The following DNAH17 variants were observed in gnomAD, a reference collection of about 807,000 sequenced individuals.
DNAH17 encodes the protein axonemal beta dynein heavy chain 17.
A neutral mutation model predicts 485.6 loss-of-function variants in DNAH17; 376 were observed. That is an observed-to-expected ratio of 0.77 (90% CI 0.71 to 0.84). DNAH17 has a LOEUF of 0.84. DNAH17 is among the 40% of genes least tolerant of loss of function. DNAH17 has a pLI of 0.00. For missense variants in DNAH17, 6,370 were observed against 5,839.3 expected (o/e 1.09, Z -2.96); for synonymous variants, 3,031 against 2,405.9 (o/e 1.26, Z -7.60).
chr17:78,528,073 C>G (rs1014475615), intron 22 of DNAH17, among the ~76,000 whole-genome samples: 3 of 151,966 alleles, frequency 2.0e-5, no homozygotes, highest in Admixed American at 6.6e-5. Flanking sequence ...GCCACCACAC[C>G]GGGCCATAAA....
rs541837917 is a variant in DNAH17 at position 78,458,556 on chromosome 17, A to G, written c.9977+9T>C. 2.8e-5 allele frequency: 45 copies of G among 1,609,814 alleles called. No homozygotes were observed. Among genetic ancestry groups the G allele is most frequent in the Admixed American group, 1.8e-4 (11 of 59,846 alleles). ...GAGCAGGAGGGTGGTCTCGGGGAGG[A>G]GCTGATACCTGTTCGCCAGTAAGAT... On this transcript the variant is annotated intron_variant, in intron 62 of 80. Coordinates refer to ENST00000389840, the MANE Select transcript of DNAH17 (RefSeq NM_173628.4).
intron 11 of DNAH17, among the ~76,000 whole-genome samples, chr17:78,565,490 C>T (rs1040875368): frequency 6.6e-6 from 1 of 152,204 alleles, no homozygotes; most frequent in African/African-American, 2.4e-5. Flanking sequence ...CAATCTCAGC[C>T]TTGAAATCCT....
At chr17:78,529,723 C>CCCAGCCCCCCTTAGG in intron 21 of DNAH17, 29 bp from the exon 22 acceptor site, 1 of 1,607,786 alleles carries the variant, frequency 6.2e-7, no homozygotes, top group East Asian at 2.2e-5. Context: ...ATTTGTGTGG[C>CCCAGCCCCCCTTAGG]CCCAGCCCCC....
In DNAH17 at chr17:78,575,008, G is replaced by A; in HGVS notation, c.50C>T (p.Ser17Phe). ...GTCCGGCTTGAACTTCAGGACGATGGAGGCAACTTCCTCCAGATACTCTAG... is the reference window on the plus strand; with the variant it reads ...GTCCGGCTTGAACTTCAGGACGATGAAGGCAACTTCCTCCAGATACTCTAG... ...VRLEYLEEVASIVLKFKPDKW... is the reference protein window; with the variant it reads ...VRLEYLEEVAFIVLKFKPDKW... Residue 17 changes from serine (S) to phenylalanine (F), a missense_variant, in exon 2 of 81, where the codon TCC (serine) becomes TTC (phenylalanine). Ser to Phe is a radical substitution (Grantham distance 155, BLOSUM62 -2). Coordinates refer to ENST00000389840, the MANE Select transcript of DNAH17 (RefSeq NM_173628.4). The A allele has an allele frequency of 1.9e-6, 3 of 1,613,960 alleles. No individual in the cohort carries two copies. The highest frequency in any genetic ancestry group is 2.5e-6 in the Non-Finnish European group (3 of 1,179,882).
rs369417103 is a variant in DNAH17 at position 78,429,306 on chromosome 17, G to C, written c.12226-6C>G. 1 of 1,612,086 alleles carries C rather than the reference G, an allele frequency of 6.2e-7. No homozygotes were observed. The highest frequency in any genetic ancestry group is 1.3e-5 in the African/African-American group (1 of 75,042). The stretch of plus-strand genomic sequence containing the variant: ...CGGAGATCGTCCCAGGGCACCTGAG[G>C]AAGGATGACAGCGGGTAGGGGAAAG... On this transcript the variant is annotated splice_region_variant and splice_polypyrimidine_tract_variant and intron_variant, in intron 75 of 80. Coordinates refer to ENST00000389840, the MANE Select transcript of DNAH17 (RefSeq NM_173628.4).
intron 41 of DNAH17, among the ~76,000 whole-genome samples, chr17:78,493,600 G>A (rs1024194939): frequency 2.0e-5 from 3 of 152,214 alleles, no homozygotes; most frequent in Non-Finnish European, 4.4e-5. Context: ...TAGCAGAAGG[G>A]TCCAGCCTGT....
intron 73 of DNAH17, among the ~76,000 whole-genome samples, chr17:78,438,629 G>A (rs1403495562): frequency 6.6e-6 from 1 of 150,928 alleles, no homozygotes; most frequent in Non-Finnish European, 1.5e-5. Flanking sequence ...CTCCCAAGTA[G>A]TTGAGGTTAC....
At position 78,439,228 on chromosome 17, in the gene DNAH17, GA is replaced by G; in HGVS notation, c.11678-12del. The G allele has an allele frequency of 6.3e-7, 1 of 1,590,528 alleles. No individual in the cohort carries two copies. Among genetic ancestry groups the G allele is most frequent in the Non-Finnish European group, 8.6e-7 (1 of 1,169,564 alleles). On this transcript the variant is annotated splice_polypyrimidine_tract_variant and intron_variant, in intron 72 of 80. Coordinates refer to ENST00000389840, the MANE Select transcript of DNAH17 (RefSeq NM_173628.4). Reference sequence around the variant, plus strand: ...ACCCTAGTTTTTTTCCTAAAGAAAAGAAAAACAGGAAAAAAACACCACGTAA... The same window carrying G: ...ACCCTAGTTTTTTTCCTAAAGAAAAGAAAACAGGAAAAAAACACCACGTAA...
rs752540908 is a variant in DNAH17 at position 78,571,311 on chromosome 17, G to T, written c.800C>A (p.Ala267Asp). 1.2e-6 allele frequency: 2 copies of T among 1,613,764 alleles called. No individual in the cohort carries two copies. The highest frequency in any genetic ancestry group is 3.3e-5 in the Admixed American group (2 of 59,992). ...LEKAKSCYWP[A>D]LQNVYTNVTE... ...GACGTTGGTGTAAACGTTTTGCAGG[G>T]CTGGCCAGTAGCAGCTTTTGGCTTT... Residue 267 changes from alanine to aspartate, a missense_variant, in exon 5 of 81, where the codon GCC (alanine) becomes GAC (aspartate). Coordinates refer to ENST00000389840, the MANE Select transcript of DNAH17 (RefSeq NM_173628.4).
intron 31 of DNAH17, among the ~76,000 whole-genome samples, chr17:78,503,589 C>A (rs1054576471): frequency 5.3e-5 from 8 of 151,986 alleles, no homozygotes; most frequent in African/African-American, 1.9e-4. Context: ...TGGGCTCAAG[C>A]GATGCTTCCA....
intron 17 of DNAH17, among the ~76,000 whole-genome samples, chr17:78,542,944 T>C (rs1455669655): frequency 6.6e-6 from 1 of 152,208 alleles, no homozygotes; most frequent in Non-Finnish European, 1.5e-5. Flanking sequence ...AAGACAAGAT[T>C]TGTTGACCTA....
chr17:78,533,308 C>T (rs929310360), intron 19 of DNAH17, among the ~76,000 whole-genome samples: 1 of 152,200 alleles, frequency 6.6e-6, no homozygotes, highest in African/African-American at 2.4e-5. Flanking sequence ...CCACCCTCCC[C>T]CTTGCTTCAG....
At chr17:78,473,645 G>C (rs1043058966) in intron 54 of DNAH17, among the ~76,000 whole-genome samples, 7 of 151,712 alleles carry the variant, frequency 4.6e-5, no homozygotes, top group African/African-American at 1.7e-4. Flanking sequence ...CAGAGCCACA[G>C]CAGCTGATGA....
intron 33 of DNAH17, chr17:78,502,327 C>G (rs2090326157): frequency 2.7e-6 from 1 of 372,272 alleles, no homozygotes; most frequent in Non-Finnish European, 4.8e-6. Context: ...TTTTTAAAGA[C>G]TCTCAGTAGC....
intron 25 of DNAH17, among the ~76,000 whole-genome samples, 156 bp downstream of exon 25, chr17:78,524,853 G>C (rs531018863): frequency 6.6e-6 from 1 of 152,138 alleles, no homozygotes; most frequent in Admixed American, 6.5e-5. Context: ...ACCCCACCTC[G>C]CGATCTCAGG....
rs774363922 is a variant in DNAH17 at position 78,468,759 on chromosome 17, C to T, written c.8636G>A (p.Gly2879Glu). The change falls in exon 55 of 81, where the codon GGA (glycine) becomes GAA (glutamate). Residue 2879 changes from glycine to glutamate, a missense_variant. Gly to Glu is a moderately conservative substitution (Grantham distance 98). Coordinates refer to ENST00000389840, the MANE Select transcript of DNAH17 (RefSeq NM_173628.4). ...CTCCATAAACAGCCCAGGGATCTCT[C>T]CTGAGGCCAGCAGGTCATTGATCAG... is the stretch of plus-strand genomic sequence containing the variant. ...LVLINDLLAS[G>E]EIPGLFMEDE... The T allele has an allele frequency of 4.3e-6, 7 of 1,614,060 alleles. No individual in the cohort carries two copies. Among genetic ancestry groups the T allele is most frequent in the South Asian group, 3.3e-5 (3 of 91,086 alleles).
chr17:78,454,721 C>T lies in DNAH17; in HGVS notation c.10171-16G>A. ...GGATGGGGACCTGCCCAGGGAGGCA[C>T]ACTTTCTTAGAGGGGGTAATGCGAC... is the stretch of plus-strand genomic sequence containing the variant. On this transcript the variant is annotated splice_polypyrimidine_tract_variant and intron_variant, in intron 63 of 80. Transcript: ENST00000389840. 1.2e-6 allele frequency: 2 copies of T among 1,604,168 alleles called. No homozygotes were observed. The highest frequency in any genetic ancestry group is 1.7e-6 in the Non-Finnish European group (2 of 1,174,756).
At chr17:78,495,218 T>C (rs979426926) in intron 38 of DNAH17, 121 bp from the exon 39 acceptor site, 202 of 1,304,140 alleles carry the variant, frequency 1.5e-4, no homozygotes, top group Non-Finnish European at 2.0e-4. Flanking sequence ...AGCAGAGTGT[T>C]GAACCTTCGG....
chr17:78,524,615 A>G (rs111458634), intron 25 of DNAH17, among the ~76,000 whole-genome samples: 1 of 95,896 alleles, frequency 1.0e-5, no homozygotes, highest in South Asian at 3.1e-4. Flanking sequence ...GTGAGGAATA[A>G]AATGTTGTTT....
Sources: allele counts gnomAD v4.1 joint callset (sites outside exome capture counted in the v4.1 genomes callset), GRCh38; gene constraint gnomAD v4.1.1; transcripts MANE v1.5; gene names NCBI Gene and HGNC (gene_info 2026-07-23, HGNC 2026-07-21).